DPP10: variants seen among roughly 807,000 people sequenced by gnomAD.
The protein encoded by DPP10 is dipeptidyl peptidase like 10, also known as inactive dipeptidyl peptidase 10.
Under a neutral mutation model 120.9 loss-of-function variants are expected in DPP10, and 33 were observed. That is an observed-to-expected ratio of 0.27 (90% confidence interval 0.21 to 0.37). The LOEUF (loss-of-function observed/expected upper bound fraction) is 0.37, where lower values mean the gene tolerates loss of function less well. Ranked by LOEUF, DPP10 falls within the 10% of genes least tolerant of loss-of-function variation. The probability of loss-of-function intolerance (pLI) is 1.00; values close to 1 mark genes in which losing one functional copy is unlikely to be tolerated. For synonymous variants in DPP10, 337 were observed against 326.1 expected, an observed-to-expected ratio of 1.03 and a Z score of -0.36; for missense variants, 816 against 942.8, an observed-to-expected ratio of 0.87 and a Z score of 1.76.
chr2:115,408,067 C>T (rs930394842), intron 3 of DPP10, among the ~76,000 whole-genome samples: 2 of 151,888 alleles, frequency 1.3e-5, no homozygotes, highest in East Asian at 3.9e-4. Flanking sequence ...TTCCCCCATT[C>T]TTGTATCTCC....
intron 1 of DPP10, among the ~76,000 whole-genome samples, chr2:115,033,702 T>TTA (rs1317422058): frequency 6.6e-6 from 1 of 150,618 alleles, no homozygotes; most frequent in Non-Finnish European, 1.5e-5. Context: ...CCCTCCTTTT[T>TTA]TTTTTTTTTA....
chr2:115,032,182 A>T (rs1703887356), intron 1 of DPP10, among the ~76,000 whole-genome samples: 1 of 86,394 alleles, frequency 1.2e-5, no homozygotes, highest in South Asian at 5.6e-4. Flanking sequence ...AATAGAGGGT[A>T]ACTCTAGAAG....
intron 1 of DPP10, among the ~76,000 whole-genome samples, chr2:114,580,850 T>C (rs1690447352): frequency 6.6e-6 from 1 of 152,008 alleles, no homozygotes; most frequent in Non-Finnish European, 1.5e-5. Flanking sequence ...TTTCAATTCC[T>C]GTGCGCTGTT....
chr2:115,094,206 C>A (rs183083210), intron 1 of DPP10, among the ~76,000 whole-genome samples: 2 of 151,998 alleles, frequency 1.3e-5, no homozygotes, highest in Admixed American at 1.3e-4. Flanking sequence ...AAATTAAAAT[C>A]GAGAACGTGT....
chr2:115,499,738 A>C, intron 4 of DPP10, 134 bp downstream of exon 4: 1 of 518,960 alleles, frequency 1.9e-6, no homozygotes, highest in East Asian at 3.3e-5. Flanking sequence ...CTGGAATATC[A>C]TAAGAATCAG....
At position 115,673,045 on chromosome 2, in the gene DPP10, G is replaced by A. The variant is rs544180785; in HGVS notation, c.442-16642G>A. ...ATTACAGGTGTAAGCCACTGCGCCC[G>A]ACTATCATGGCTTATATTTTAAAAA... is the stretch of plus-strand genomic sequence containing the variant. On this transcript the variant is annotated intron_variant, in intron 5 of 25. Coordinates refer to ENST00000410059, the MANE Select transcript of DPP10 (RefSeq NM_020868.6). Among the ~76,000 whole-genome samples the A allele has an allele frequency of 3.9e-5, 6 of 152,112 alleles. No individual in the cohort carries two copies. The South Asian group carries it at 1.0e-3, about 26-fold the overall frequency.
intron 1 of DPP10, among the ~76,000 whole-genome samples, chr2:114,467,944 G>T (rs534063770): frequency 6.6e-6 from 1 of 152,124 alleles, no homozygotes; most frequent in East Asian, 1.9e-4. Flanking sequence ...ACATGAGCCC[G>T]GGAAGGTTGA....
At chr2:115,028,266 C>T (rs1286464053) in intron 1 of DPP10, among the ~76,000 whole-genome samples, 1 of 151,808 alleles carries the variant, frequency 6.6e-6, no homozygotes, top group Non-Finnish European at 1.5e-5. Context: ...TTGTTGTATC[C>T]CATAGATTTT....
At chr2:115,699,364 G>A (rs1015026749) in intron 7 of DPP10, among the ~76,000 whole-genome samples, 1 of 152,156 alleles carries the variant, frequency 6.6e-6, no homozygotes, top group Non-Finnish European at 1.5e-5. Flanking sequence ...CTAACACCAA[G>A]GCCAAGGCGG....
intron 1 of DPP10, among the ~76,000 whole-genome samples, chr2:114,522,226 C>G (rs1003175141): frequency 1.3e-5 from 2 of 151,790 alleles, no homozygotes; most frequent in East Asian, 1.9e-4. Context: ...CCTCATGATC[C>G]GCCCGCCTCG....
In DPP10 at chr2:114,625,979, A is replaced by G. The variant is rs543094937; in HGVS notation, c.60+183141A>G. Among the ~76,000 whole-genome samples the G allele has an allele frequency of 2.8e-4, 42 of 151,682 alleles. No individual in the cohort carries two copies. The South Asian group carries it at 8.3e-3, about 30-fold the overall frequency. ...TCATTATTTCTAGGTCTTTACATTG[A>G]CAGAGCAGAGGATACTTTTTTTTTT... On this transcript the variant is annotated intron_variant, in intron 1 of 25. Coordinates refer to ENST00000410059, the MANE Select transcript of DPP10 (RefSeq NM_020868.6).
At chr2:114,453,504 A>G (rs544456968) in intron 1 of DPP10, among the ~76,000 whole-genome samples, 84 of 152,268 alleles carry the variant, frequency 5.5e-4, no homozygotes, top group Middle Eastern at 6.8e-3. Flanking sequence ...TAGGGTTCTC[A>G]GGGTCTATCA....
At chr2:115,031,861 A>AT (rs1703864347) in intron 1 of DPP10, among the ~76,000 whole-genome samples, 1 of 152,224 alleles carries the variant, frequency 6.6e-6, no homozygotes, top group South Asian at 2.1e-4. Flanking sequence ...GCATAAGATA[A>AT]TATTTATAAA....
chr2:114,779,744 A>G (rs531278403), intron 1 of DPP10, among the ~76,000 whole-genome samples: 150 of 152,310 alleles, frequency 9.8e-4, no homozygotes, highest in African/African-American at 3.5e-3. Flanking sequence ...AAATGCTGCC[A>G]GTACAGCTAT....
intron 3 of DPP10, among the ~76,000 whole-genome samples, chr2:115,466,620 T>G (rs188277604): frequency 6.2e-4 from 95 of 152,288 alleles, no homozygotes; most frequent in Non-Finnish European, 1.2e-3. Context: ...AATATACATC[T>G]TATTACTTTT....
At chr2:115,318,729 A>G (rs548776716) in intron 2 of DPP10, among the ~76,000 whole-genome samples, 22 of 152,232 alleles carry the variant, frequency 1.4e-4, no homozygotes, top group South Asian at 1.0e-3. Context: ...TTGTTGGTAT[A>G]CAGAAACATG....
intron 1 of DPP10, among the ~76,000 whole-genome samples, chr2:114,931,083 G>T (rs1301596559): frequency 1.3e-5 from 2 of 152,104 alleles, no homozygotes; most frequent in Admixed American, 6.6e-5. Flanking sequence ...TTGCCTTATT[G>T]TGTTTTCTGA....
At chr2:115,359,233 A>AGGG (rs1425667540) in intron 3 of DPP10, among the ~76,000 whole-genome samples, 1 of 152,122 alleles carries the variant, frequency 6.6e-6, no homozygotes, top group East Asian at 1.9e-4. Flanking sequence ...GAGTCTGTGA[A>AGGG]CTATGCATGT....
At chr2:114,693,099 G>A (rs1573981205) in intron 1 of DPP10, among the ~76,000 whole-genome samples, 1 of 151,828 alleles carries the variant, frequency 6.6e-6, no homozygotes, top group Admixed American at 6.6e-5. Context: ...TATTGTTATG[G>A]GTGAATTTGA....
Sources: gnomAD v4.1 joint callset for allele counts (sites outside exome capture counted in the v4.1 genomes callset) on GRCh38, gnomAD v4.1.1 for gene constraint, MANE v1.5 for transcripts, NCBI Gene and HGNC (gene_info 2026-07-23, HGNC 2026-07-21) for gene names.